The following SMARCA2 variants were observed in gnomAD, a reference collection of about 807,000 sequenced individuals.
SMARCA2 encodes SWI/SNF-related matrix-associated actin-dependent regulator of chromatin subfamily A member 2.
SMARCA2 carries 61 observed loss-of-function variants against 199.8 expected under a neutral mutation model. That is an observed-to-expected ratio of 0.31 (90% CI 0.25 to 0.38). The LOEUF (loss-of-function observed/expected upper bound fraction) is 0.38. Ranked by LOEUF, SMARCA2 falls within the 10% of genes least tolerant of loss-of-function variation. The pLI is 1.00. For synonymous variants in SMARCA2, 935 were observed against 732.0 expected, an observed-to-expected ratio of 1.28 and a Z score of -4.48; for missense variants, 1,344 against 2,012.2, an observed-to-expected ratio of 0.67 and a Z score of 6.35.
In SMARCA2 at chr9:2,094,079, G is replaced by C. The variant is rs567128743; in HGVS notation, c.2884-2578G>C. On this transcript the variant is annotated intron_variant, in intron 19 of 33. Transcript: ENST00000349721. ...GATCTTAAAAAGGGCCCTCAAGGTA[G>C]AGTAGAGTTAGAAAGGAGCCTTAAG... 5.3e-5 allele frequency among the ~76,000 whole-genome samples: 8 copies of C among 152,304 alleles called. No homozygotes were observed. The South Asian group carries it at 1.4e-3, about 28-fold the overall frequency.
intron 32 of SMARCA2, among the ~76,000 whole-genome samples, chr9:2,187,156 ACT>A (rs1202427713): frequency 6.6e-6 from 1 of 152,080 alleles, no homozygotes; most frequent in Non-Finnish European, 1.5e-5. Flanking sequence ...ATGACAGGGT[ACT>A]GTCTTTATTT....
At chr9:2,126,814 C>T (rs561210679) in intron 27 of SMARCA2, among the ~76,000 whole-genome samples, 1 of 152,344 alleles carries the variant, frequency 6.6e-6, no homozygotes, top group Admixed American at 6.5e-5. Flanking sequence ...AGGCTGGCCA[C>T]CCCTAGAAGG....
chr9:2,095,935 G>A (rs150639615), intron 19 of SMARCA2, among the ~76,000 whole-genome samples: 3 of 152,220 alleles, frequency 2.0e-5, no homozygotes, highest in Non-Finnish European at 4.4e-5. Context: ...TGTATTAGGA[G>A]TATGATAAAG....
chr9:2,189,637 C>G (rs921269022), intron 32 of SMARCA2, among the ~76,000 whole-genome samples: 1 of 152,078 alleles, frequency 6.6e-6, no homozygotes, highest in African/African-American at 2.4e-5. Flanking sequence ...CCAGTCTCTT[C>G]TTCTTCTCCT....
At chr9:2,146,895 G>GTTT (rs1409740201) in intron 27 of SMARCA2, among the ~76,000 whole-genome samples, 1 of 152,168 alleles carries the variant, frequency 6.6e-6, no homozygotes, top group African/African-American at 2.4e-5. Flanking sequence ...ACTGCAAGCT[G>GTTT]TTTTATCAGC....
At position 2,123,681 on chromosome 9, in the gene SMARCA2, G is replaced by A. The variant is rs763272760; in HGVS notation, c.3763-38G>A. The A allele has an allele frequency of 4.4e-6, 7 of 1,577,580 alleles. No individual in the cohort carries two copies. The highest frequency in any genetic ancestry group is 6.1e-6 in the Non-Finnish European group (7 of 1,148,904). ...GCTGGGAAGTCTGCACCATACAGAA[G>A]CCCTGACTTTCGGTGACCCTCTTAT... On this transcript the variant is annotated intron_variant, in intron 26 of 33. Coordinates refer to ENST00000349721, the MANE Select transcript of SMARCA2 (RefSeq NM_003070.5). This position sits in a 1 kb window ranked among gnomAD's most constrained non-coding sequence, Gnocchi z 4.1.
At chr9:2,028,161 A>T in intron 1 of SMARCA2, among the ~76,000 whole-genome samples, 1 of 152,236 alleles carries the variant, frequency 6.6e-6, no homozygotes, top group Non-Finnish European at 1.5e-5. Flanking sequence ...GACCAGAGCC[A>T]GGTCTGGGAC....
At chr9:2,022,097 G>C (rs561689823) in intron 1 of SMARCA2, 1 of 151,884 alleles carries the variant, frequency 6.6e-6, no homozygotes, top group Non-Finnish European at 1.5e-5. Context: ...GTCGGAGATT[G>C]TGGAAAGACT....
At chr9:2,029,278 CT>C in intron 2 of SMARCA2, 31 bp downstream of exon 2, 1 of 1,585,494 alleles carries the variant, frequency 6.3e-7, no homozygotes, top group Non-Finnish European at 8.6e-7. Flanking sequence ...TCAAACTCAA[CT>C]TCTGATAAGT....
At position 2,123,887 on chromosome 9, in the gene SMARCA2, C is replaced by T; in HGVS notation, c.3931C>T (p.Arg1311Cys). ...EKIFGRGSRQRRDVDYSDALT... is the reference protein window; with the variant it reads ...EKIFGRGSRQCRDVDYSDALT... ...AATATTTGGGAGGGGGTCCCGCCAG[C>T]GCCGTGACGTGGACTACAGTGACGC... The change falls in exon 27 of 34, where the codon CGC (arginine) becomes TGC (cysteine). Residue 1311 changes from arginine to cysteine, a missense_variant. This residue lies in a region of SMARCA2 where 63 missense variants were observed against 83.3 expected (regional missense o/e 0.76). Coordinates refer to ENST00000349721, the MANE Select transcript of SMARCA2 (RefSeq NM_003070.5). This position sits in a 1 kb window ranked among gnomAD's most constrained non-coding sequence, Gnocchi z 4.1. The T allele has an allele frequency of 1.3e-6, 2 of 1,595,964 alleles. No individual in the cohort carries two copies. Among genetic ancestry groups the T allele is most frequent in the East Asian group, 4.5e-5 (2 of 44,240 alleles).
At chr9:2,063,535 C>T (rs956599788) in intron 9 of SMARCA2, among the ~76,000 whole-genome samples, 36 of 152,250 alleles carry the variant, frequency 2.4e-4, no homozygotes, top group Admixed American at 6.5e-4. Flanking sequence ...TTAACAAATA[C>T]TTCAATAAAC....
intron 27 of SMARCA2, among the ~76,000 whole-genome samples, chr9:2,144,070 T>TTG (rs558519820): frequency 6.7e-6 from 1 of 149,376 alleles, no homozygotes; most frequent in Admixed American, 6.7e-5. Context: ...AGCCGGGAGA[T>TTG]GGGGGGGGAT....
intron 5 of SMARCA2, 41 bp downstream of exon 5, chr9:2,047,525 A>C (rs772701109): frequency 2.3e-6 from 3 of 1,288,762 alleles, no homozygotes; most frequent in Non-Finnish European, 3.0e-6. Flanking sequence ...GCGGTGTGCT[A>C]GCACCTGCCG....
chr9:2,016,029 A>C lies in SMARCA2; in HGVS notation c.-37+625A>C, dbSNP rs1289946536. ...CGGGGCGCCAACGGACGCTGTTGCC[A>C]CCCGCTTCCCAGGGACTTGTTCAAA... On this transcript the variant is annotated intron_variant, in intron 1 of 33. Transcript: ENST00000349721. This position sits in a 1 kb window ranked among gnomAD's most constrained non-coding sequence, Gnocchi z 5.6. 1 of 152,358 alleles carries C rather than the reference A, an allele frequency of 6.6e-6. No individual in the cohort carries two copies. Among genetic ancestry groups the C allele is most frequent in the Non-Finnish European group, 1.5e-5 (1 of 68,236 alleles). 9.4% of individuals were successfully genotyped at this position (152,358 alleles called of 1,614,324 possible).
At chr9:2,131,975 A>G (rs1404380830) in intron 27 of SMARCA2, among the ~76,000 whole-genome samples, 1 of 152,004 alleles carries the variant, frequency 6.6e-6, no homozygotes, top group Non-Finnish European at 1.5e-5. Context: ...GACATTTATA[A>G]TACTAGGTGC....
rs1345216153 is a variant in SMARCA2, at chr9:2,017,167, A to C, written c.-37+1763A>C. ...CCTCCGCCTCTGCCGCCTGGATTGC[A>C]TTATTATTTTTATCCGGGTTGCCGT... On this transcript the variant is annotated intron_variant, in intron 1 of 33. Coordinates refer to ENST00000349721, the MANE Select transcript of SMARCA2 (RefSeq NM_003070.5). This position sits in a 1 kb window ranked among gnomAD's most constrained non-coding sequence, Gnocchi z 8.8. 6.9e-6 allele frequency: 1 copy of C among 145,036 alleles called. No homozygotes were observed. The highest frequency in any genetic ancestry group is 1.5e-5 in the Non-Finnish European group (1 of 67,102). The allele number at this position is 145,036 out of a possible 1,614,324, so 9.0% of individuals were successfully genotyped here. A position where few individuals can be genotyped will look rare whatever the true frequency, so the allele number is the denominator to read the frequency against.
chr9:2,107,496 T>G (rs12351966), intron 23 of SMARCA2, among the ~76,000 whole-genome samples: 3,036 of 152,156 alleles, frequency 0.02, 66 homozygotes, highest in African/African-American at 0.055. Context: ...TTTTATATTT[T>G]TAGTAGAGAT....
chr9:2,052,557 A>G (rs977869631), intron 5 of SMARCA2, among the ~76,000 whole-genome samples: 1 of 152,266 alleles, frequency 6.6e-6, no homozygotes, highest in Non-Finnish European at 1.5e-5. Context: ...CATTTAATAA[A>G]TTAGAACGAA....
intron 12 of SMARCA2, among the ~76,000 whole-genome samples, chr9:2,074,328 TC>T (rs1821225069): frequency 1.3e-5 from 2 of 152,336 alleles, no homozygotes; most frequent in South Asian, 2.1e-4. Flanking sequence ...AGATTTGCTC[TC>T]CTTTATTAGA....
Sources: allele counts gnomAD v4.1 joint callset (sites outside exome capture counted in the v4.1 genomes callset), GRCh38; gene constraint gnomAD v4.1.1; regional missense constraint gnomAD v4.1.1; non-coding constraint Gnocchi (gnomAD v3.1); transcripts MANE v1.5; gene names NCBI Gene and HGNC (gene_info 2026-07-23, HGNC 2026-07-21).